The following DPYS variants were observed in gnomAD, a reference collection of about 807,000 sequenced individuals.
The protein encoded by DPYS is dihydropyrimidine amidohydrolase.
A neutral mutation model predicts 50.3 loss-of-function variants in DPYS; 39 were observed. The observed-to-expected ratio is 0.78, with a 90% CI of 0.60 to 1.01. The LOEUF is 1.01. Among genes scored for constraint, DPYS ranks in the 50% least tolerant of loss-of-function variants. The pLI is 0.00. For synonymous variants in DPYS, 245 were observed against 250.7 expected, an observed-to-expected ratio of 0.98 and a Z score of 0.22; for missense variants, 659 against 680.9, an observed-to-expected ratio of 0.97 and a Z score of 0.36.
intron 7 of DPYS, among the ~76,000 whole-genome samples, chr8:104,409,822 C>T (rs1316731381): frequency 6.6e-6 from 1 of 152,202 alleles, no homozygotes; most frequent in Non-Finnish European, 1.5e-5. Flanking sequence ...CTACATTTTA[C>T]TGGGGAGGAA....
intron 6 of DPYS, 27 bp downstream of exon 6, chr8:104,427,953 A>G (rs1812789721): frequency 6.2e-7 from 1 of 1,613,610 alleles, no homozygotes; most frequent in East Asian, 2.2e-5. Context: ...AACTAGGCAA[A>G]GCAAGGCTGG....
intron 1 of DPYS, among the ~76,000 whole-genome samples, chr8:104,458,604 T>C (rs939261728): frequency 6.6e-6 from 1 of 152,176 alleles, no homozygotes; most frequent in African/African-American, 2.4e-5. Flanking sequence ...ATTCTCTAAA[T>C]GTTTGAAGGG....
At chr8:104,444,027 A>C (rs977817374) in intron 4 of DPYS, among the ~76,000 whole-genome samples, 1 of 152,214 alleles carries the variant, frequency 6.6e-6, no homozygotes, top group Non-Finnish European at 1.5e-5. Flanking sequence ...AGAAATAACA[A>C]ATAAAACATG....
chr8:104,439,108 G>A (rs1032681257), intron 4 of DPYS, among the ~76,000 whole-genome samples: 6 of 151,320 alleles, frequency 4.0e-5, no homozygotes, highest in Middle Eastern at 3.2e-3. Context: ...AATAAAACAC[G>A]TAAAATTAAA....
chr8:104,449,855 A>G (rs1283075551), intron 2 of DPYS, among the ~76,000 whole-genome samples: 1 of 152,168 alleles, frequency 6.6e-6, no homozygotes, highest in Admixed American at 6.5e-5. Context: ...CCTAAATCTC[A>G]GACTTCTGGC....
rs373819650 is a variant in DPYS at position 104,427,983 on chromosome 8, G to A, written c.1089C>T (p.Gly363=). Residue 363 remains glycine, a synonymous_variant, in exon 6 of 10, where the codon GGC becomes GGT. Coordinates refer to ENST00000351513, the MANE Select transcript of DPYS (RefSeq NM_001385.3). ...EDRMSVIWEK[G]VHSGKMDENR... ...GGCTGGAACCTGTGAAACCCACCACGCCTTTTTCCCATATTACGGACATCC... is the reference window on the plus strand; with the variant it reads ...GGCTGGAACCTGTGAAACCCACCACACCTTTTTCCCATATTACGGACATCC... The A allele has an allele frequency of 4.9e-5, 79 of 1,613,986 alleles. No homozygotes were observed. Among genetic ancestry groups the A allele is most frequent in the Non-Finnish European group, 6.2e-5 (73 of 1,180,030 alleles).
intron 7 of DPYS, among the ~76,000 whole-genome samples, chr8:104,411,126 G>A (rs1424120145): frequency 6.6e-6 from 1 of 152,152 alleles, no homozygotes; most frequent in Non-Finnish European, 1.5e-5. Flanking sequence ...CCTTCACTAT[G>A]TTTATATCTT....
intron 9 of DPYS, 165 bp downstream of exon 9, chr8:104,381,019 C>T: frequency 3.2e-6 from 2 of 627,338 alleles, no homozygotes; most frequent in Non-Finnish European, 5.7e-6. Context: ...ATCTGGAAGG[C>T]TTATCTAAAT....
chr8:104,393,057 T>G, intron 7 of DPYS, 66 bp from the exon 8 acceptor site: 1 of 1,466,904 alleles, frequency 6.8e-7, no homozygotes, highest in Non-Finnish European at 9.5e-7. Context: ...ATATAAAATA[T>G]TAAAAGAAGA....
At chr8:104,466,485 G>T (rs1252652615) in intron 1 of DPYS, among the ~76,000 whole-genome samples, 172 bp downstream of exon 1, 1 of 152,080 alleles carries the variant, frequency 6.6e-6, no homozygotes, top group Non-Finnish European at 1.5e-5. Context: ...GGACCCCAGC[G>T]AAGAGAATCT....
chr8:104,437,485 G>A (rs548006504), intron 4 of DPYS, among the ~76,000 whole-genome samples: 1 of 152,212 alleles, frequency 6.6e-6, no homozygotes, highest in African/African-American at 2.4e-5. Context: ...TCCCACCAAT[G>A]CTATGACAGT....
intron 5 of DPYS, chr8:104,429,161 T>C (rs1812854930): frequency 4.6e-6 from 1 of 215,888 alleles, no homozygotes; most frequent in African/African-American, 2.3e-5. Context: ...AGAAAAATGA[T>C]CATATGTTCC....
At chr8:104,423,799 G>A (rs1026872716) in intron 7 of DPYS, 1 of 178,022 alleles carries the variant, frequency 5.6e-6, no homozygotes, top group African/African-American at 2.4e-5. Context: ...GGCTGAAGAT[G>A]AACTCAACTG....
At chr8:104,387,976 G>T (rs1222941924) in intron 8 of DPYS, among the ~76,000 whole-genome samples, 1 of 152,116 alleles carries the variant, frequency 6.6e-6, no homozygotes, top group Non-Finnish European at 1.5e-5. Context: ...GAAGAGTTGG[G>T]CACAGATGCG....
At position 104,383,604 on chromosome 8, in the gene DPYS, CTT is replaced by C. The variant is rs59669284; in HGVS notation, c.1444-2292_1444-2291del. 1.4e-3 allele frequency among the ~76,000 whole-genome samples: 195 copies of C among 141,748 alleles called. 2 individuals carry two copies. The highest frequency in any genetic ancestry group is 3.4e-3 in the African/African-American group (129 of 37,804). The allele number at this position is 141,748 out of a possible 152,430, so 93.0% of individuals were successfully genotyped here. On this transcript the variant is annotated intron_variant, in intron 8 of 9. Coordinates refer to ENST00000351513, the MANE Select transcript of DPYS (RefSeq NM_001385.3). ...TCATTTATCTGTTCTCCAGGCTGTA[CTT>C]TTTTTTTTTTTTCGAGACAGAGTTT...
intron 2 of DPYS, among the ~76,000 whole-genome samples, chr8:104,449,690 G>A (rs1426082027): frequency 1.3e-5 from 2 of 152,192 alleles, no homozygotes; most frequent in African/African-American, 2.4e-5. Context: ...GACCTCCACG[G>A]GGAGAACATC....
chr8:104,431,000 C>T (rs1379541650), intron 4 of DPYS, among the ~76,000 whole-genome samples: 1 of 152,112 alleles, frequency 6.6e-6, no homozygotes, highest in Non-Finnish European at 1.5e-5. Context: ...GTACTATCTA[C>T]TGGAGAACTG....
chr8:104,442,164 T>G (rs1446874197), intron 4 of DPYS, among the ~76,000 whole-genome samples: 1 of 152,212 alleles, frequency 6.6e-6, no homozygotes, highest in Non-Finnish European at 1.5e-5. Flanking sequence ...TGTAAATATT[T>G]TACAGATACA....
chr8:104,411,632 C>T (rs1439266742), intron 7 of DPYS: 1 of 152,132 alleles, frequency 6.6e-6, no homozygotes, highest in Non-Finnish European at 1.5e-5. Context: ...AAAAGGACTT[C>T]ACAGGAAAGG....
Sources: gnomAD v4.1 joint callset for allele counts (sites outside exome capture counted in the v4.1 genomes callset) on GRCh38, gnomAD v4.1.1 for gene constraint, MANE v1.5 for transcripts, NCBI Gene and HGNC (gene_info 2026-07-23, HGNC 2026-07-21) for gene names.